Variants in JAG1 observed in about 807,000 individuals in gnomAD.
JAG1 encodes the protein jagged canonical Notch ligand 1, also known as protein jagged-1.
JAG1 carries 23 observed loss-of-function variants against 148.7 expected under a neutral mutation model. The observed-to-expected ratio is 0.15, with a 90% CI of 0.11 to 0.22. The LOEUF (loss-of-function observed/expected upper bound fraction) is 0.22, where lower values mean the gene tolerates loss of function less well. Ranked by LOEUF, JAG1 falls within the 10% of genes least tolerant of loss-of-function variation. The pLI is 1.00. For synonymous variants in JAG1, 572 were observed against 598.3 expected, an observed-to-expected ratio of 0.96 and a Z score of 0.64; for missense variants, 1,054 against 1,611.2, an observed-to-expected ratio of 0.65 and a Z score of 5.92.
intron 2 of JAG1, among the ~76,000 whole-genome samples, chr20:10,667,152 C>T (rs1461749807): frequency 1.3e-5 from 2 of 152,254 alleles, no homozygotes; most frequent in African/African-American, 4.8e-5. Context: ...TCCTGCCAAG[C>T]TGACGGACAC....
At position 10,645,329 on chromosome 20, in the gene JAG1, T is replaced by C. The variant is rs117282238; in HGVS notation, c.2113+27A>G. 2.4e-4 allele frequency: 392 copies of C among 1,606,912 alleles called. 1 individual carries two copies. The East Asian group carries it at 8.7e-3, about 35-fold the overall frequency. Reference sequence around the variant, plus strand: ...AAGACAGAGGGAAGGGTCCCAGAGATAGCATCCAAGGCCAACTACCACTTA... The same window carrying C: ...AAGACAGAGGGAAGGGTCCCAGAGACAGCATCCAAGGCCAACTACCACTTA... On this transcript the variant is annotated intron_variant, in intron 16 of 25. Coordinates refer to ENST00000254958, the MANE Select transcript of JAG1 (RefSeq NM_000214.3). The surrounding 1 kb of genome is among the most constrained non-coding windows in gnomAD (Gnocchi z 6.1).
At chr20:10,656,720 T>TCGTC (rs1200620925) in intron 4 of JAG1, among the ~76,000 whole-genome samples, 1 of 152,256 alleles carries the variant, frequency 6.6e-6, no homozygotes, top group Admixed American at 6.5e-5. Flanking sequence ...AGGGGGACCT[T>TCGTC]CGTCCAGCCT....
In JAG1 at chr20:10,645,375, T is replaced by C; in HGVS notation, c.2094A>G (p.Lys698=). 6.2e-7 allele frequency: 1 copy of C among 1,612,622 alleles called. No individual in the cohort carries two copies. Among genetic ancestry groups the C allele is most frequent in the Non-Finnish European group, 8.5e-7 (1 of 1,179,720 alleles). Residue 698 remains lysine, a synonymous_variant, in exon 16 of 26, where the codon AAA becomes AAG. Coordinates refer to ENST00000254958, the MANE Select transcript of JAG1 (RefSeq NM_000214.3). This position sits in a 1 kb window ranked among gnomAD's most constrained non-coding sequence, Gnocchi z 6.1. ...ACTTACGTGAGTGGCAGGTCTTTCCTTTCCACCCATTTTTACAGTCACAGT... is the reference window on the plus strand; with the variant it reads ...ACTTACGTGAGTGGCAGGTCTTTCCCTTCCACCCATTTTTACAGTCACAGT... The part of the protein sequence containing the change: ...DFYCDCKNGW[K]GKTCHSRDSQ...
intron 3 of JAG1, among the ~76,000 whole-genome samples, chr20:10,663,705 C>T (rs1568803235): frequency 6.6e-6 from 1 of 152,142 alleles, no homozygotes; most frequent in South Asian, 2.1e-4. Flanking sequence ...ATCTCTATCC[C>T]GAAGATAATC....
In JAG1 at chr20:10,648,067, G is replaced by A. The variant is rs2067321488; in HGVS notation, c.1613C>T (p.Ala538Val). The A allele has an allele frequency of 3.1e-6, 5 of 1,614,200 alleles. No homozygotes were observed. Among genetic ancestry groups the A allele is most frequent in the Non-Finnish European group, 4.2e-6 (5 of 1,180,024 alleles). Reference sequence around the variant, plus strand: ...GTCACTGGCACGGTTGTAGCACTGGGCACCGTTCTGGCAGGGATTAGGCTC... The same window carrying A: ...GTCACTGGCACGGTTGTAGCACTGGACACCGTTCTGGCAGGGATTAGGCTC... ...YCEPNPCQNG[A>V]QCYNRASDYF... is the part of the protein sequence containing the mutation. Residue 538 changes from alanine (A) to valine (V), a missense_variant, in exon 13 of 26, where the codon GCC becomes GTC. Transcript: ENST00000254958.
Position 10,647,457 on chromosome 20 carries a change from G to T in JAG1, c.1721-354C>A, listed in dbSNP as rs542452133. The stretch of plus-strand genomic sequence containing the variant: ...TTTTTGATCTTAAGCAAGGCTCAAG[G>T]ACAATCTTATAGAAGCTTTAAATGT... On this transcript the variant is annotated intron_variant, in intron 13 of 25. Coordinates refer to ENST00000254958, the MANE Select transcript of JAG1 (RefSeq NM_000214.3). The T allele has an allele frequency of 4.6e-5, 19 of 415,908 alleles. No homozygotes were observed. The East Asian group carries it at 1.0e-3, about 23-fold the overall frequency. 25.8% of individuals were successfully genotyped at this position (415,908 alleles called of 1,614,324 possible). A position where few individuals can be genotyped will look rare whatever the true frequency, so the allele number is the denominator to read the frequency against.
chr20:10,647,395 A>G (rs2067316539), intron 13 of JAG1: 3 of 495,404 alleles, frequency 6.1e-6, no homozygotes, highest in Non-Finnish European at 1.1e-5. Flanking sequence ...TTTGGTAAAC[A>G]CTTGCTAAGG....
chr20:10,652,494 T>C lies in JAG1; in HGVS notation c.860A>G (p.Asn287Ser), dbSNP rs768317581. Reference protein sequence around the residue: ...NEPWQCLCETNWGGQLCDKDL... With the variant: ...NEPWQCLCETSWGGQLCDKDL... ...TTTGTCACAGAGCTGGCCGCCCCAG[T>C]TGGTCTCACAGAGGCACTGCCAGGG... The change falls in exon 6 of 26, where the codon AAC becomes AGC. Residue 287 changes from asparagine (N) to serine (S), a missense_variant. Asn to Ser is a conservative substitution (Grantham distance 46). Around this residue, in one of 6 missense-constraint regions of JAG1, gnomAD observed 104 missense variants for 235.2 expected, o/e 0.44. Coordinates refer to ENST00000254958, the MANE Select transcript of JAG1 (RefSeq NM_000214.3). 19 of 1,613,936 alleles carry C rather than the reference T, an allele frequency of 1.2e-5. No homozygotes were observed. Among genetic ancestry groups the C allele is most frequent in the Non-Finnish European group, 1.5e-5 (18 of 1,179,958 alleles).
chr20:10,673,078 C>A lies in JAG1; in HGVS notation c.82-72G>T, dbSNP rs1259497391. 1.2e-5 allele frequency: 17 copies of A among 1,399,130 alleles called. No homozygotes were observed. Among genetic ancestry groups the A allele is most frequent in the Non-Finnish European group, 1.4e-5 (14 of 1,005,956 alleles). The allele number at this position is 1,399,130 out of a possible 1,614,324, so 86.7% of individuals were successfully genotyped here. A position where few individuals can be genotyped will look rare whatever the true frequency, so the allele number is the denominator to read the frequency against. On this transcript the variant is annotated intron_variant, in intron 1 of 25. Transcript: ENST00000254958. This position sits in a 1 kb window ranked among gnomAD's most constrained non-coding sequence, Gnocchi z 4.7. ...TCTTCGAGTATAGAGGTGGCGACTC[C>A]CTCCCACTCCCCGCCCCGACGAGCC... is the stretch of plus-strand genomic sequence containing the variant.
Position 10,645,656 on chromosome 20 carries a change from C to CACA in JAG1, c.2000-190_2000-188dup, listed in dbSNP as rs55752058. 15,075 of 657,002 alleles carry CACA rather than the reference C, an allele frequency of 0.023. 369 individuals are homozygous for CACA. Among genetic ancestry groups the CACA allele is most frequent in the Admixed American group, 0.097 (4,128 of 42,738 alleles). The allele number at this position is 657,002 out of a possible 1,614,324, so 40.7% of individuals were successfully genotyped here. A position where few individuals can be genotyped will look rare whatever the true frequency, so the allele number is the denominator to read the frequency against. On this transcript the variant is annotated intron_variant, in intron 15 of 25. Transcript: ENST00000254958. This position sits in a 1 kb window ranked among gnomAD's most constrained non-coding sequence, Gnocchi z 6.1. ...CTCCCAACTGGGTTACTTTGAATGC[C>CACA]ACAAGTTAGGCAAGATGTGGGGTGG...
chr20:10,641,449 T>C lies in JAG1; in HGVS notation c.2916+11A>G, dbSNP rs1261033603. On this transcript the variant is annotated intron_variant, in intron 23 of 25. Transcript: ENST00000254958. The stretch of plus-strand genomic sequence containing the variant: ...CCACCATTCAAAAAAAAAACAAAGG[T>C]TGTTACATACTGGTGACATCATCTC... 6.2e-7 allele frequency: 1 copy of C among 1,603,326 alleles called. No homozygotes were observed. Among genetic ancestry groups the C allele is most frequent in the South Asian group, 1.1e-5 (1 of 89,890 alleles).
rs1050896171 is a variant in JAG1, at chr20:10,646,928, G to T, written c.1885+11C>A. ...GGAGCACTGGTCCATTCCCGGATGA[G>T]GGAGTCTTACTTTCATGGCAGTATG... On this transcript the variant is annotated intron_variant, in intron 14 of 25. Transcript: ENST00000254958. The T allele has an allele frequency of 2.5e-6, 4 of 1,613,838 alleles. No individual in the cohort carries two copies. Among genetic ancestry groups the T allele is most frequent in the Admixed American group, 3.3e-5 (2 of 60,028 alleles).
At position 10,644,577 on chromosome 20, in the gene JAG1, G is replaced by A. The variant is rs564571251; in HGVS notation, c.2345-193C>T. The A allele has an allele frequency of 7.3e-5, 49 of 669,318 alleles. No homozygotes were observed. In the East Asian group the frequency reaches 1.3e-3, roughly 17 times the overall value. The allele number at this position is 669,318 out of a possible 1,614,324, so 41.5% of individuals were successfully genotyped here. On this transcript the variant is annotated intron_variant, in intron 18 of 25. Transcript: ENST00000254958. ...ATTTGCTGTGGGACACATGTACACAGGAAGAGGCCCTGGTAGGGGATAGGG... is the reference window on the plus strand; with the variant it reads ...ATTTGCTGTGGGACACATGTACACAAGAAGAGGCCCTGGTAGGGGATAGGG...
Position 10,638,123 on chromosome 20 carries a change from ACT to A in JAG1, c.*1373_*1374del, listed in dbSNP as rs1337566215. 4.6e-5 allele frequency: 7 copies of A among 152,614 alleles called. No individual in the cohort carries two copies. The highest frequency in any genetic ancestry group is 1.9e-4 in the East Asian group (1 of 5,200). 9.5% of individuals were successfully genotyped at this position (152,614 alleles called of 1,614,324 possible). A position where few individuals can be genotyped will look rare whatever the true frequency, so the allele number is the denominator to read the frequency against. ...GTCTCAATGGTGAACCAACAAGATT[ACT>A]CTGTTTTATAAGCCTTTTTGATCTT... On this transcript the variant is annotated 3_prime_UTR_variant, in exon 26 of 26. Coordinates refer to ENST00000254958, the MANE Select transcript of JAG1 (RefSeq NM_000214.3).
At chr20:10,671,357 T>C (rs999243177) in intron 2 of JAG1, among the ~76,000 whole-genome samples, 5 of 152,028 alleles carry the variant, frequency 3.3e-5, no homozygotes, top group Non-Finnish European at 7.4e-5. Flanking sequence ...GCGTTGGTTT[T>C]AATTTTTCTT....
chr20:10,645,793 A>C lies in JAG1; in HGVS notation c.1999+178T>G. The C allele has an allele frequency of 1.5e-6, 1 of 652,826 alleles. No homozygotes were observed. The highest frequency in any genetic ancestry group is 2.7e-6 in the Non-Finnish European group (1 of 365,024). 40.4% of individuals were successfully genotyped at this position (652,826 alleles called of 1,614,324 possible). ...TCCTCAGCAGAAGCTCCTCCCCATA[A>C]GCTATCATCAGGACTCATAAATGCA... On this transcript the variant is annotated intron_variant, in intron 15 of 25. Transcript: ENST00000254958. The surrounding 1 kb of genome is among the most constrained non-coding windows in gnomAD (Gnocchi z 6.1).
intron 2 of JAG1, among the ~76,000 whole-genome samples, chr20:10,669,407 C>T (rs1219189838): frequency 6.6e-6 from 1 of 151,726 alleles, no homozygotes; most frequent in Non-Finnish European, 1.5e-5. Context: ...CTGGAAAAGA[C>T]AGCAAAAGGC....
In JAG1 at chr20:10,641,169, T is replaced by C; in HGVS notation, c.2992A>G (p.Ile998Val). 6.2e-7 allele frequency: 1 copy of C among 1,614,048 alleles called. No homozygotes were observed. Among genetic ancestry groups the C allele is most frequent in the South Asian group, 1.1e-5 (1 of 91,090 alleles). Residue 998 changes from isoleucine to valine, a missense_variant, in exon 24 of 26, where the codon ATC becomes GTC. Transcript: ENST00000254958. Reference protein sequence around the residue: ...ILKNVSAEYSIYIACEPSPSA... With the variant: ...ILKNVSAEYSVYIACEPSPSA... ...GGGGAAGGCTCGCAAGCGATGTAGA[T>C]TGAATATTCAGCGGAAACATTCTTC...
intron 5 of JAG1, among the ~76,000 whole-genome samples, chr20:10,655,350 C>A (rs757748020): frequency 6.6e-6 from 1 of 152,142 alleles, no homozygotes; most frequent in Non-Finnish European, 1.5e-5. Flanking sequence ...ACGGAGCCCA[C>A]GAACCTGCAT....
Sources: gnomAD v4.1 joint callset for allele counts (sites outside exome capture counted in the v4.1 genomes callset) on GRCh38, gnomAD v4.1.1 for gene constraint, gnomAD v4.1.1 regional missense constraint, Gnocchi (gnomAD v3.1) non-coding constraint, MANE v1.5 for transcripts, NCBI Gene and HGNC (gene_info 2026-07-23, HGNC 2026-07-21) for gene names.